ADARB2: variants seen among roughly 807,000 people sequenced by gnomAD.
ADARB2 encodes adenosine deaminase RNA specific B2 (inactive).
Under a neutral mutation model 62.2 loss-of-function variants are expected in ADARB2, and 25 were observed. The observed-to-expected ratio is 0.40, with a 90% CI of 0.29 to 0.56. The LOEUF (loss-of-function observed/expected upper bound fraction) is 0.56, where lower values mean the gene tolerates loss of function less well. ADARB2 is among the 20% of genes least tolerant of loss of function. The pLI, the probability that ADARB2 is intolerant of heterozygous loss-of-function variation, is 0.43. For missense variants in ADARB2, 1,071 were observed against 1,077.4 expected (o/e 0.99, Z 0.08); for synonymous variants, 572 against 500.8 (o/e 1.14, Z -1.90).
intron 3 of ADARB2, among the ~76,000 whole-genome samples, chr10:1,323,566 T>C (rs1011340600): frequency 2.0e-5 from 3 of 152,172 alleles, no homozygotes; most frequent in Non-Finnish European, 2.9e-5. Context: ...CTCTACTGAA[T>C]ATTAAGGTTT....
At chr10:1,501,672 C>T (rs1190852805) in intron 1 of ADARB2, among the ~76,000 whole-genome samples, 1 of 152,184 alleles carries the variant, frequency 6.6e-6, no homozygotes, top group Non-Finnish European at 1.5e-5. Flanking sequence ...TATTGCTCGC[C>T]AGTAGCCTGT....
intron 1 of ADARB2, among the ~76,000 whole-genome samples, chr10:1,544,196 G>C (rs1832484313): frequency 6.6e-6 from 1 of 152,306 alleles, no homozygotes; most frequent in African/African-American, 2.4e-5. Context: ...GCAACGCCAG[G>C]GTCTGGGAGG....
chr10:1,261,451 T>C (rs1439700245), intron 4 of ADARB2, among the ~76,000 whole-genome samples: 1 of 148,936 alleles, frequency 6.7e-6, no homozygotes, highest in Non-Finnish European at 1.5e-5. Flanking sequence ...TCAAACAAAT[T>C]TACAAGAAAA....
Position 1,363,692 on chromosome 10 carries a change from G to T in ADARB2, c.413C>A (p.Pro138Gln). ...CGACACTGTCCGGTACTGCAGGCCC[G>T]GCCTCAGCTCGTGCAGCTGCACCAG... ...NALVQLHELR[P>Q]GLQYRTVSQT... is the part of the protein sequence containing the mutation. The change falls in exon 3 of 10, where the codon CCG (proline) becomes CAG (glutamine). Residue 138 changes from proline to glutamine, a missense_variant. Transcript: ENST00000381312. 6.2e-7 allele frequency: 1 copy of T among 1,611,550 alleles called. No individual in the cohort carries two copies. Among genetic ancestry groups the T allele is most frequent in the South Asian group, 1.1e-5 (1 of 91,010 alleles).
Position 1,702,907 on chromosome 10 carries a change from G to A in ADARB2, c.100+34144C>T, listed in dbSNP as rs1834841325. Among the ~76,000 whole-genome samples, 3 of 152,208 alleles carry A rather than the reference G, an allele frequency of 2.0e-5. No homozygotes were observed. In the South Asian group the frequency reaches 6.2e-4, roughly 31 times the overall value. Reference sequence around the variant, plus strand: ...ACTTGCTACAGTTATAAGCAGTAAAGAATTAGCTACTGTTATCTTCAGATG... The same window carrying A: ...ACTTGCTACAGTTATAAGCAGTAAAAAATTAGCTACTGTTATCTTCAGATG... On this transcript the variant is annotated intron_variant, in intron 1 of 9. Transcript: ENST00000381312.
At chr10:1,407,592 A>G (rs1038578181) in intron 1 of ADARB2, among the ~76,000 whole-genome samples, 1 of 152,204 alleles carries the variant, frequency 6.6e-6, no homozygotes, top group Non-Finnish European at 1.5e-5. Context: ...ATTATGCCTC[A>G]GCCCAGGAGT....
At chr10:1,308,881 C>T (rs1831657746) in intron 3 of ADARB2, among the ~76,000 whole-genome samples, 1 of 152,128 alleles carries the variant, frequency 6.6e-6, no homozygotes, top group Admixed American at 6.5e-5. Context: ...ATTTTCTCAG[C>T]TGGAAAAGTG....
intron 1 of ADARB2, 34 bp downstream of exon 1, chr10:1,737,017 G>A (rs745761890): frequency 1.9e-6 from 3 of 1,604,212 alleles, no homozygotes; most frequent in Admixed American, 1.7e-5. Context: ...GGGGGTGAAG[G>A]GGGGCAGGGG....
intron 1 of ADARB2, chr10:1,535,081 C>A: frequency 6.0e-6 from 1 of 166,928 alleles, no homozygotes. Flanking sequence ...GCAGGCCACG[C>A]CTCGCCAACC....
At chr10:1,311,099 TG>T (rs34250045) in intron 3 of ADARB2, among the ~76,000 whole-genome samples, 1 of 152,160 alleles carries the variant, frequency 6.6e-6, no homozygotes, top group African/African-American at 2.4e-5. Context: ...CCAATGCTCA[TG>T]GGGGTCACTC....
chr10:1,266,736 CAG>C (rs747390635), intron 4 of ADARB2, among the ~76,000 whole-genome samples: 1 of 152,190 alleles, frequency 6.6e-6, no homozygotes, highest in African/African-American at 2.4e-5. Context: ...CCACGCGAAA[CAG>C]AAAGCCACTG....
At chr10:1,517,221 T>C (rs573437845) in intron 1 of ADARB2, among the ~76,000 whole-genome samples, 10 of 152,320 alleles carry the variant, frequency 6.6e-5, no homozygotes, top group African/African-American at 2.4e-4. Flanking sequence ...CTACCGTATG[T>C]GCTTAAATGG....
chr10:1,580,175 G>A (rs543276168), intron 1 of ADARB2, among the ~76,000 whole-genome samples: 6 of 152,270 alleles, frequency 3.9e-5, no homozygotes, highest in South Asian at 4.1e-4. Context: ...GGTAAATCGC[G>A]TGTTGCCAGG....
chr10:1,443,888 G>T (rs749061817), intron 1 of ADARB2, among the ~76,000 whole-genome samples: 9 of 152,068 alleles, frequency 5.9e-5, no homozygotes, highest in Non-Finnish European at 1.3e-4. Flanking sequence ...ATTCAGCATG[G>T]GGGAGTACAA....
chr10:1,288,079 T>A (rs1478115318), intron 3 of ADARB2, among the ~76,000 whole-genome samples: 1 of 152,224 alleles, frequency 6.6e-6, no homozygotes, highest in Admixed American at 6.5e-5. Flanking sequence ...TCTGAAGCCC[T>A]ACCCTAAAGG....
At chr10:1,694,643 CT>C (rs1834714840) in intron 1 of ADARB2, among the ~76,000 whole-genome samples, 1 of 152,208 alleles carries the variant, frequency 6.6e-6, no homozygotes, top group South Asian at 2.1e-4. Context: ...ACAATCAACA[CT>C]CAAATCGATC....
rs145926951 is a variant in ADARB2 at position 1,601,486 on chromosome 10, C to G, written c.100+135565G>C. Reference sequence around the variant, plus strand: ...TTTCCTGTAACAACATGATTTAAAGCCTACTTTAAAAAATAAACACCGATC... The same window carrying G: ...TTTCCTGTAACAACATGATTTAAAGGCTACTTTAAAAAATAAACACCGATC... On this transcript the variant is annotated intron_variant, in intron 1 of 9. Coordinates refer to ENST00000381312, the MANE Select transcript of ADARB2 (RefSeq NM_018702.4). Among the ~76,000 whole-genome samples, 24 of 152,328 alleles carry G rather than the reference C, an allele frequency of 1.6e-4. No homozygotes were observed. In the East Asian group the frequency reaches 3.7e-3, roughly 23 times the overall value.
chr10:1,480,492 A>T (rs1189342762), intron 1 of ADARB2, among the ~76,000 whole-genome samples: 6 of 152,330 alleles, frequency 3.9e-5, no homozygotes, highest in East Asian at 1.9e-4. Flanking sequence ...AGGTCAGGAG[A>T]TTGAGACCAT....
chr10:1,363,152 T>C lies in ADARB2; in HGVS notation c.953A>G (p.Glu318Gly). Residue 318 changes from glutamate to glycine, a missense_variant, in exon 3 of 10, where the codon GAG becomes GGG. Coordinates refer to ENST00000381312, the MANE Select transcript of ADARB2 (RefSeq NM_018702.4). ...CAGCTTCTTGCTGCGCCCCGAGCCC[T>C]CGAACGTCCTGCCGTCCACGCTCAC... ...MAVSVDGRTF[E>G]GSGRSKKLAR... The C allele has an allele frequency of 6.5e-7, 1 of 1,546,408 alleles. No individual in the cohort carries two copies. Among genetic ancestry groups the C allele is most frequent in the Non-Finnish European group, 8.7e-7 (1 of 1,155,466 alleles).
Sources: allele counts gnomAD v4.1 joint callset (sites outside exome capture counted in the v4.1 genomes callset), GRCh38; gene constraint gnomAD v4.1.1; transcripts MANE v1.5; gene names NCBI Gene and HGNC (gene_info 2026-07-23, HGNC 2026-07-21).